The following NIPBL variants were observed in gnomAD, a reference collection of about 807,000 sequenced individuals.
NIPBL encodes nipped-B-like protein.
NIPBL carries 19 observed loss-of-function variants against 321.8 expected under a neutral mutation model. The observed-to-expected ratio is 0.06, with a 90% CI of 0.04 to 0.09. The LOEUF (loss-of-function observed/expected upper bound fraction) is 0.09, where lower values mean the gene tolerates loss of function less well. Ranked by LOEUF, NIPBL falls within the 10% of genes least tolerant of loss-of-function variation. NIPBL has a pLI of 1.00. For missense variants in NIPBL, 2,210 were observed against 3,327.0 expected (o/e 0.66, Z 8.26); for synonymous variants, 1,106 against 1,114.1 (o/e 0.99, Z 0.14).
intron 1 of NIPBL, among the ~76,000 whole-genome samples, chr5:36,935,296 T>C (rs1750073323): frequency 6.6e-6 from 1 of 152,140 alleles, no homozygotes; most frequent in African/African-American, 2.4e-5. Flanking sequence ...CATCTCTTCT[T>C]CATCAAGGCA....
chr5:37,048,992 T>C (rs1376075335), intron 39 of NIPBL, 119 bp from the exon 40 acceptor site: 3 of 989,372 alleles, frequency 3.0e-6, no homozygotes, highest in Admixed American at 3.7e-5. Context: ...TTAAGAACCA[T>C]TGAGCCAGAA....
intron 1 of NIPBL, among the ~76,000 whole-genome samples, chr5:36,945,560 A>G (rs1279698546): frequency 6.6e-6 from 1 of 152,222 alleles, no homozygotes; most frequent in Non-Finnish European, 1.5e-5. Flanking sequence ...TGGGACACGC[A>G]TATACATTAT....
intron 42 of NIPBL, among the ~76,000 whole-genome samples, chr5:37,055,385 TAGAAA>T (rs1365490802): frequency 4.2e-5 from 6 of 143,864 alleles, no homozygotes; most frequent in African/African-American, 1.6e-4. Context: ...GAATGGATAG[TAGAAA>T]AGAAAAGAAA....
intron 1 of NIPBL, among the ~76,000 whole-genome samples, chr5:36,936,035 C>G (rs1347510322): frequency 1.3e-5 from 2 of 152,032 alleles, no homozygotes; most frequent in Non-Finnish European, 2.9e-5. Flanking sequence ...TTTATGGGCT[C>G]CCAGTGGACT....
intron 10 of NIPBL, among the ~76,000 whole-genome samples, chr5:36,993,976 A>G (rs1349631911): frequency 1.3e-5 from 2 of 152,142 alleles, no homozygotes; most frequent in African/African-American, 4.8e-5. Context: ...ATACTCTAAA[A>G]CATGATTTTC....
intron 36 of NIPBL, 34 bp downstream of exon 36, chr5:37,044,763 G>T (rs1044471630): frequency 8.2e-6 from 12 of 1,467,062 alleles, no homozygotes; most frequent in Non-Finnish European, 1.1e-5. Context: ...AAATTATTCT[G>T]CTAGGTCCTG....
At chr5:36,972,135 C>G in intron 8 of NIPBL, 94 bp downstream of exon 8, 1 of 838,378 alleles carries the variant, frequency 1.2e-6, no homozygotes, top group Non-Finnish European at 1.9e-6. Context: ...AAAAGTTATT[C>G]TGTATTTTTT....
At chr5:36,902,912 T>C (rs1043349764) in intron 1 of NIPBL, among the ~76,000 whole-genome samples, 16 of 152,202 alleles carry the variant, frequency 1.1e-4, no homozygotes, top group African/African-American at 3.9e-4. Context: ...TGGAATGTTT[T>C]TCCACCTGTT....
intron 34 of NIPBL, 142 bp from the exon 35 acceptor site, chr5:37,044,204 GA>G (rs199930536): frequency 1.1e-4 from 71 of 673,952 alleles, no homozygotes; most frequent in Admixed American, 3.2e-4. Flanking sequence ...TCCATACCTT[GA>G]AAAAAAAACT....
intron 1 of NIPBL, among the ~76,000 whole-genome samples, chr5:36,946,589 T>TGTGTGTATAC (rs1739708803): frequency 6.6e-6 from 1 of 151,774 alleles, no homozygotes. Flanking sequence ...TGTGTGTATA[T>TGTGTGTATAC]GTATATATAT....
chr5:36,877,794 C>G (rs1030884943), intron 1 of NIPBL, among the ~76,000 whole-genome samples: 3 of 152,180 alleles, frequency 2.0e-5, no homozygotes, highest in Non-Finnish European at 4.4e-5. Context: ...TTCATAAAGA[C>G]TCATTTTCTT....
intron 1 of NIPBL, among the ~76,000 whole-genome samples, chr5:36,935,177 T>C (rs949471394): frequency 2.6e-5 from 4 of 152,144 alleles, no homozygotes; most frequent in Non-Finnish European, 5.9e-5. Context: ...GGTCTCACTT[T>C]AAAGGCAGTG....
At chr5:36,904,616 C>G (rs1486776797) in intron 1 of NIPBL, among the ~76,000 whole-genome samples, 1 of 152,132 alleles carries the variant, frequency 6.6e-6, no homozygotes, top group East Asian at 1.9e-4. Context: ...CTCATGGTAT[C>G]TCAGGAGGCT....
Position 37,044,739 on chromosome 5 carries a change from A to G in NIPBL, c.6343+10A>G, listed in dbSNP as rs767173489. 46 of 1,585,910 alleles carry G rather than the reference A, an allele frequency of 2.9e-5. No individual in the cohort carries two copies. The highest frequency in any genetic ancestry group is 6.7e-5 in the African/African-American group (5 of 74,374). ...TTCAATAGATACTATGGTAAGTTCA[A>G]TACCAGGGTTTTAAAATTATTCTGC... is the stretch of plus-strand genomic sequence containing the variant. On this transcript the variant is annotated intron_variant, in intron 36 of 46. Coordinates refer to ENST00000282516, the MANE Select transcript of NIPBL (RefSeq NM_133433.4).
chr5:37,044,632 T>C lies in NIPBL; in HGVS notation c.6250-4T>C, dbSNP rs1305596839. On this transcript the variant is annotated splice_polypyrimidine_tract_variant and splice_region_variant and intron_variant, in intron 35 of 46. Transcript: ENST00000282516. ...TTTATCTAAACATTTTCTATATCTT[T>C]TAGGTAGTGCAACATTGTGTGAGCT... 11 of 1,612,034 alleles carry C rather than the reference T, an allele frequency of 6.8e-6. No individual in the cohort carries two copies. Among genetic ancestry groups the C allele is most frequent in the Non-Finnish European group, 9.3e-6 (11 of 1,178,392 alleles).
At chr5:37,041,265 T>G (rs955033124) in intron 34 of NIPBL, among the ~76,000 whole-genome samples, 30 of 126,144 alleles carry the variant, frequency 2.4e-4, no homozygotes, top group African/African-American at 6.1e-4. Context: ...TTTTTTTTTT[T>G]TTTTTTTTTT....
At chr5:36,914,911 A>G (rs1009926116) in intron 1 of NIPBL, among the ~76,000 whole-genome samples, 4 of 152,188 alleles carry the variant, frequency 2.6e-5, no homozygotes, top group African/African-American at 7.2e-5. Flanking sequence ...AAATTTAATG[A>G]TAGCTACATT....
At chr5:37,019,657 A>G (rs1749402540) in intron 25 of NIPBL, among the ~76,000 whole-genome samples, 1 of 152,194 alleles carries the variant, frequency 6.6e-6, no homozygotes. Context: ...TCCGTAAGTG[A>G]TCTTTGAGGC....
At chr5:36,908,748 C>CA (rs1178568669) in intron 1 of NIPBL, among the ~76,000 whole-genome samples, 2 of 151,858 alleles carry the variant, frequency 1.3e-5, no homozygotes, top group Non-Finnish European at 2.9e-5. Flanking sequence ...TCTTGGAAAG[C>CA]AAAAAGAGAA....
Sources: allele counts gnomAD v4.1 joint callset (sites outside exome capture counted in the v4.1 genomes callset), GRCh38; gene constraint gnomAD v4.1.1; transcripts MANE v1.5; gene names NCBI Gene and HGNC (gene_info 2026-07-23, HGNC 2026-07-21).